PRDM11: variants seen among roughly 807,000 people sequenced by gnomAD.
The protein encoded by PRDM11 is PR/SET domain 11, also known as PR domain-containing protein 11.
PRDM11 carries 20 observed loss-of-function variants against 97.8 expected under a neutral mutation model. The observed-to-expected ratio is 0.20, with a 90% CI of 0.14 to 0.30. The LOEUF (loss-of-function observed/expected upper bound fraction) is 0.30, where lower values mean the gene tolerates loss of function less well. Among genes scored for constraint, PRDM11 ranks in the 10% least tolerant of loss-of-function variants. The pLI is 1.00. For synonymous variants in PRDM11, 599 were observed against 637.7 expected (o/e 0.94, Z 0.91); for missense variants, 1,139 against 1,555.2 (o/e 0.73, Z 4.50).
chr11:45,141,775 C>T (rs533006877), upstream of PRDM11, among the ~76,000 whole-genome samples: 2 of 152,212 alleles, frequency 1.3e-5, no homozygotes, highest in African/African-American at 4.8e-5. Flanking sequence ...AAAGGACTGT[C>T]CATGATCCAT....
intron 1 of PRDM11, among the ~76,000 whole-genome samples, chr11:45,164,039 C>T (rs1021334539): frequency 1.3e-5 from 2 of 152,200 alleles, no homozygotes; most frequent in African/African-American, 4.8e-5. Flanking sequence ...GGCTTTGCCA[C>T]TTACCCTTGG....
At chr11:45,183,263 G>T in intron 4 of PRDM11, 140 bp downstream of exon 4, 1 of 1,219,832 alleles carries the variant, frequency 8.2e-7, no homozygotes, top group South Asian at 1.6e-5. Flanking sequence ...GGATCTTGCT[G>T]TCCCCTGGCC....
intron 1 of PRDM11, among the ~76,000 whole-genome samples, chr11:45,165,188 C>T (rs927509667): frequency 6.6e-6 from 1 of 152,152 alleles, no homozygotes; most frequent in Non-Finnish European, 1.5e-5. Context: ...TGCCTCTTGC[C>T]AGTGGACTGC....
At chr11:45,151,307 G>A (rs543917031) in intron 1 of PRDM11, among the ~76,000 whole-genome samples, 2 of 152,350 alleles carry the variant, frequency 1.3e-5, no homozygotes, top group African/African-American at 4.8e-5. Flanking sequence ...TGACCCTGGA[G>A]CTGTGCTGGA....
intron 1 of PRDM11, among the ~76,000 whole-genome samples, chr11:45,134,701 G>GAACAAAAAAAAAAAA (rs1852796504): frequency 2.3e-5 from 1 of 44,262 alleles, no homozygotes. Context: ...CCTGTCTCAC[G>GAACAAAAAAAAAAAA]AAAAAAAAAA....
intron 1 of PRDM11, among the ~76,000 whole-genome samples, chr11:45,156,472 G>A (rs924037974): frequency 6.6e-6 from 1 of 152,230 alleles, no homozygotes; most frequent in African/African-American, 2.4e-5. Flanking sequence ...TGGAGACCGT[G>A]GTCCGCAGAC....
At chr11:45,096,040 C>T in intron 1 of PRDM11, 1 of 674,000 alleles carries the variant, frequency 1.5e-6, no homozygotes, top group Non-Finnish European at 2.7e-6. Flanking sequence ...CCGCATTGTC[C>T]TTTCTGTCTA....
chr11:45,225,197 G>A (rs932217359), intron 7 of PRDM11: 2 of 1,178,044 alleles, frequency 1.7e-6, no homozygotes, highest in African/African-American at 3.1e-5. Flanking sequence ...GTCTCAAGCA[G>A]GGTGTCCCAC....
In PRDM11 at chr11:45,233,262, G is replaced by A. The variant is rs1854434317; in HGVS notation, c.*5103G>A. On this transcript the variant is annotated 3_prime_UTR_variant, in exon 8 of 8. Coordinates refer to ENST00000683152, the MANE Select transcript of PRDM11 (RefSeq NM_001384648.1). The stretch of plus-strand genomic sequence containing the variant: ...GAGCCGGGGAAGGCCAGCAGGCAGG[G>A]TTGGCTGGCAAGGGGGCCTCCTACC... The A allele has an allele frequency of 6.6e-6, 1 of 152,332 alleles. No individual in the cohort carries two copies. 9.4% of individuals were successfully genotyped at this position (152,332 alleles called of 1,614,324 possible).
intron 1 of PRDM11, among the ~76,000 whole-genome samples, chr11:45,117,960 T>C (rs1326820076): frequency 1.3e-5 from 2 of 152,196 alleles, no homozygotes; most frequent in African/African-American, 4.8e-5. Context: ...ATATACTTGA[T>C]ATGATGTGGT....
At chr11:45,196,129 A>T (rs1853114440) in intron 4 of PRDM11, among the ~76,000 whole-genome samples, 1 of 152,196 alleles carries the variant, frequency 6.6e-6, no homozygotes, top group Non-Finnish European at 1.5e-5. Context: ...CTTTCCCACC[A>T]GTTGTATATG....
intron 1 of PRDM11, among the ~76,000 whole-genome samples, chr11:45,107,649 G>T (rs1171579279): frequency 1.3e-5 from 2 of 152,174 alleles, no homozygotes; most frequent in South Asian, 2.1e-4. Context: ...TAGGGGTGGG[G>T]TTCCTCTAAG....
rs2135873573 is a variant in PRDM11, at chr11:45,234,203, C to T, written c.*6044C>T. On this transcript the variant is annotated 3_prime_UTR_variant, in exon 8 of 8. Transcript: ENST00000683152. Reference sequence around the variant, plus strand: ...CAGAAGCCCATTTGCTCGCAGTTTCCTCTCTCTGTTTTTTTCCTCCTGGAG... The same window carrying T: ...CAGAAGCCCATTTGCTCGCAGTTTCTTCTCTCTGTTTTTTTCCTCCTGGAG... 1 of 152,426 alleles carries T rather than the reference C, an allele frequency of 6.6e-6. No homozygotes were observed. Among genetic ancestry groups the T allele is most frequent in the South Asian group, 2.1e-4 (1 of 4,830 alleles). 9.4% of individuals were successfully genotyped at this position (152,426 alleles called of 1,614,324 possible). A position where few individuals can be genotyped will look rare whatever the true frequency, so the allele number is the denominator to read the frequency against.
intron 1 of PRDM11, among the ~76,000 whole-genome samples, chr11:45,170,163 C>T (rs1590401621): frequency 6.6e-6 from 1 of 151,956 alleles, no homozygotes; most frequent in Non-Finnish European, 1.5e-5. Context: ...GCCAACATGG[C>T]GAAACTCCGT....
intron 4 of PRDM11, among the ~76,000 whole-genome samples, chr11:45,186,007 G>A (rs1472449257): frequency 6.6e-6 from 1 of 151,958 alleles, no homozygotes; most frequent in Non-Finnish European, 1.5e-5. Context: ...GGAGTCAAGG[G>A]ATGCAGGCAG....
chr11:45,221,346 G>T (rs554611666), intron 6 of PRDM11, among the ~76,000 whole-genome samples: 2 of 152,150 alleles, frequency 1.3e-5, no homozygotes, highest in East Asian at 3.8e-4. Flanking sequence ...ATGTAAAAGT[G>T]CCTGATACAT....
intron 1 of PRDM11, among the ~76,000 whole-genome samples, chr11:45,105,878 G>T (rs1347929675): frequency 6.6e-6 from 1 of 152,218 alleles, no homozygotes; most frequent in Non-Finnish European, 1.5e-5. Flanking sequence ...GGCCACAGAG[G>T]CCTCTCCAGG....
chr11:45,227,676 G>A lies in PRDM11; in HGVS notation c.3051G>A (p.Glu1017=), dbSNP rs1854309213. 13 of 1,533,844 alleles carry A rather than the reference G, an allele frequency of 8.5e-6. No homozygotes were observed. The highest frequency in any genetic ancestry group is 8.7e-6 in the Non-Finnish European group (10 of 1,146,740). ...TGGTGCAAATATTTGATCACCTGGA[G>A]GCCATCCCGACCTTTTCCCGGGATG... ...EDMVQIFDHL[E]AIPTFSRDVC... The change falls in exon 8 of 8, where the codon GAG becomes GAA. Residue 1017 remains glutamate (E), a synonymous_variant. Transcript: ENST00000683152. This position sits in a 1 kb window ranked among gnomAD's most constrained non-coding sequence, Gnocchi z 8.0.
intron 5 of PRDM11, chr11:45,212,926 G>A (rs1020802769): frequency 3.7e-5 from 15 of 409,096 alleles, no homozygotes; most frequent in African/African-American, 1.6e-4. Context: ...CAGACCCTAC[G>A]GGCTCCACTC....
Sources: gnomAD v4.1 joint callset for allele counts (sites outside exome capture counted in the v4.1 genomes callset) on GRCh38, gnomAD v4.1.1 for gene constraint, Gnocchi (gnomAD v3.1) non-coding constraint, MANE v1.5 for transcripts, NCBI Gene and HGNC (gene_info 2026-07-23, HGNC 2026-07-21) for gene names.